The following STARD13 variants were observed in gnomAD, a reference collection of about 807,000 sequenced individuals.
The protein encoded by STARD13 is StAR related lipid transfer domain containing 13.
A neutral mutation model predicts 106.4 loss-of-function variants in STARD13; 62 were observed. The observed-to-expected ratio is 0.58, with a 90% CI of 0.48 to 0.72. The LOEUF is 0.72. Among genes scored for constraint, STARD13 ranks in the 30% least tolerant of loss-of-function variants. The pLI is 0.00. For missense variants in STARD13, 1,387 were observed against 1,424.0 expected (o/e 0.97, Z 0.42); for synonymous variants, 565 against 553.0 (o/e 1.02, Z -0.31).
At chr13:33,584,600 T>A in the STARD13 span, among the ~76,000 whole-genome samples, 1 of 152,158 alleles carries the variant, frequency 6.6e-6, no homozygotes, top group Non-Finnish European at 1.5e-5. Context: ...GATTTGCATT[T>A]CCCTGTTGGT....
the STARD13 span, among the ~76,000 whole-genome samples, chr13:33,641,081 G>A: frequency 6.6e-6 from 1 of 152,204 alleles, no homozygotes; most frequent in Non-Finnish European, 1.5e-5. Context: ...ATCTAATGCT[G>A]ATAGACTGAG....
chr13:33,311,772 G>A (rs765377998), intron 1 of STARD13, among the ~76,000 whole-genome samples: 2 of 152,222 alleles, frequency 1.3e-5, no homozygotes, highest in Non-Finnish European at 2.9e-5. Context: ...AAGAGCTCAT[G>A]GCTCAGAGGA....
intron 1 of STARD13, among the ~76,000 whole-genome samples, chr13:33,273,395 T>C (rs1473773943): frequency 6.6e-6 from 1 of 152,244 alleles, no homozygotes; most frequent in Non-Finnish European, 1.5e-5. Flanking sequence ...GATTAACATG[T>C]AACTTATGAT....
Position 33,126,061 on chromosome 13 carries a change from C to CG in STARD13, c.2082+19dup, listed in dbSNP as rs528419020. On this transcript the variant is annotated intron_variant, in intron 7 of 13. Transcript: ENST00000336934. ...ATGGTTGGGGGTGGTGGGGCAGCAG[C>CG]GGGGGGGTTACAGCCCTACCTGATC... 73 of 1,609,294 alleles carry CG rather than the reference C, an allele frequency of 4.5e-5. No individual in the cohort carries two copies. Among genetic ancestry groups the CG allele is most frequent in the African/African-American group, 2.4e-4 (18 of 74,698 alleles).
At chr13:33,663,131 C>T in the STARD13 span, among the ~76,000 whole-genome samples, 9 of 152,044 alleles carry the variant, frequency 5.9e-5, no homozygotes, top group Non-Finnish European at 1.2e-4. Flanking sequence ...CAGACTGGAG[C>T]GTAGTGTGCA....
the STARD13 span, among the ~76,000 whole-genome samples, chr13:33,569,436 C>CAAAT: frequency 1.4e-5 from 2 of 147,298 alleles, no homozygotes; most frequent in African/African-American, 5.0e-5. Flanking sequence ...TGCTCTATTC[C>CAAAT]AAATAAATAA....
the STARD13 span, among the ~76,000 whole-genome samples, chr13:33,674,415 C>T: frequency 3.9e-5 from 6 of 152,310 alleles, no homozygotes; most frequent in African/African-American, 1.4e-4. Context: ...ATTAGCTCTA[C>T]AGACAAATGA....
chr13:33,393,688 C>T, the STARD13 span, among the ~76,000 whole-genome samples: 6 of 152,050 alleles, frequency 3.9e-5, no homozygotes, highest in African/African-American at 4.8e-5. Flanking sequence ...ATATTTTATT[C>T]GGTGCCAGAC....
At chr13:33,450,938 A>G in the STARD13 span, among the ~76,000 whole-genome samples, 1 of 152,164 alleles carries the variant, frequency 6.6e-6, no homozygotes, top group East Asian at 1.9e-4. Flanking sequence ...GCTGGAGTGC[A>G]GTGGTGCAAT....
the STARD13 span, among the ~76,000 whole-genome samples, chr13:33,430,557 C>A: frequency 6.6e-6 from 1 of 152,130 alleles, no homozygotes; most frequent in East Asian, 1.9e-4. Flanking sequence ...ATATGATCCA[C>A]CAATTCTACC....
chr13:33,488,980 T>A, the STARD13 span, among the ~76,000 whole-genome samples: 4 of 152,264 alleles, frequency 2.6e-5, no homozygotes, highest in African/African-American at 9.6e-5. Flanking sequence ...TACACTCAAG[T>A]TGAACACACC....
chr13:33,207,407 G>A (rs1887480959), intron 1 of STARD13, among the ~76,000 whole-genome samples: 2 of 152,180 alleles, frequency 1.3e-5, no homozygotes, highest in Non-Finnish European at 2.9e-5. Flanking sequence ...GAATGAATGA[G>A]ACTTTGAACT....
the STARD13 span, among the ~76,000 whole-genome samples, chr13:33,542,205 G>A: frequency 4.6e-5 from 7 of 152,216 alleles, no homozygotes; most frequent in South Asian, 1.5e-3. Flanking sequence ...TACCTTCTCA[G>A]AATAAACACT....
chr13:33,268,849 T>C (rs1891029637), intron 1 of STARD13, among the ~76,000 whole-genome samples: 1 of 152,206 alleles, frequency 6.6e-6, no homozygotes. Flanking sequence ...GTAATTTATT[T>C]AAGTGGTTGT....
At chr13:33,644,030 C>G in the STARD13 span, among the ~76,000 whole-genome samples, 1 of 152,196 alleles carries the variant, frequency 6.6e-6, no homozygotes. Flanking sequence ...GAGGATTTAA[C>G]TAAAATTATG....
chr13:33,674,274 G>A, the STARD13 span, among the ~76,000 whole-genome samples: 1 of 152,074 alleles, frequency 6.6e-6, no homozygotes, highest in African/African-American at 2.4e-5. Flanking sequence ...CCTAATCTTA[G>A]TGAAAATTTC....
chr13:33,214,890 T>G (rs1434042321), intron 1 of STARD13, among the ~76,000 whole-genome samples: 1 of 152,106 alleles, frequency 6.6e-6, no homozygotes, highest in Non-Finnish European at 1.5e-5. Context: ...CTGATCTCCT[T>G]TCACAGGTGC....
the STARD13 span, among the ~76,000 whole-genome samples, chr13:33,492,164 C>T: frequency 1.3e-5 from 2 of 152,140 alleles, no homozygotes; most frequent in Non-Finnish European, 1.5e-5. Context: ...ATTTTCACTT[C>T]CTTTGTGATT....
intron 3 of STARD13, among the ~76,000 whole-genome samples, chr13:33,144,930 T>C (rs1880326427): frequency 1.3e-5 from 2 of 152,252 alleles, no homozygotes; most frequent in African/African-American, 4.8e-5. Context: ...AAAGGAATCA[T>C]CTTCTATATA....
Sources: gnomAD v4.1 joint callset for allele counts (sites outside exome capture counted in the v4.1 genomes callset) on GRCh38, gnomAD v4.1.1 for gene constraint, MANE v1.5 for transcripts, NCBI Gene and HGNC (gene_info 2026-07-23, HGNC 2026-07-21) for gene names.